Variants in SYNRG observed in about 807,000 individuals in gnomAD.
The protein encoded by SYNRG is synergin gamma.
Under a neutral mutation model 130.9 loss-of-function variants are expected in SYNRG, and 37 were observed. The observed-to-expected ratio is 0.28, with a 90% CI of 0.22 to 0.37. The LOEUF is 0.37. SYNRG is among the 10% of genes least tolerant of loss of function. SYNRG has a pLI of 1.00. For synonymous variants in SYNRG, 539 were observed against 568.1 expected (o/e 0.95, Z 0.73); for missense variants, 1,338 against 1,588.9 (o/e 0.84, Z 2.68).
At chr17:37,577,294 T>C (rs1197117330) in intron 7 of SYNRG, 86 bp downstream of exon 7, 5 of 1,248,044 alleles carry the variant, frequency 4.0e-6, no homozygotes, top group Non-Finnish European at 5.7e-6. Context: ...TCAAGCAGCA[T>C]TCATTTGAAG....
chr17:37,602,904 A>G lies in SYNRG; in HGVS notation c.78-2501T>C, dbSNP rs141884491. Reference sequence around the variant, plus strand: ...CCAGGCGTGGTGGCATGTGCCTGTAATCCCAGCTATCCAGTAGGCTGAGAC... The same window carrying G: ...CCAGGCGTGGTGGCATGTGCCTGTAGTCCCAGCTATCCAGTAGGCTGAGAC... On this transcript the variant is annotated intron_variant, in intron 1 of 21. Coordinates refer to ENST00000612223, the MANE Select transcript of SYNRG (RefSeq NM_007247.6). Among the ~76,000 whole-genome samples the G allele has an allele frequency of 9.0e-3, 1,375 of 152,116 alleles. 4 individuals are homozygous for G. The highest frequency in any genetic ancestry group is 0.023 in the South Asian group (111 of 4,814).
intron 6 of SYNRG, among the ~76,000 whole-genome samples, chr17:37,582,942 G>C (rs2061441347): frequency 6.6e-6 from 1 of 151,814 alleles, no homozygotes; most frequent in East Asian, 1.9e-4. Flanking sequence ...AGGTGCCTTT[G>C]GTGGTAGAAT....
At chr17:37,552,167 T>A (rs755211557) in intron 14 of SYNRG, among the ~76,000 whole-genome samples, 4 of 152,202 alleles carry the variant, frequency 2.6e-5, no homozygotes, top group Admixed American at 1.3e-4. Flanking sequence ...TCCCCCCTAG[T>A]TAGACAAAAC....
At position 37,589,703 on chromosome 17, in the gene SYNRG, C is replaced by T. The variant is rs576211303; in HGVS notation, c.241-3154G>A. Among the ~76,000 whole-genome samples the T allele has an allele frequency of 2.8e-4, 43 of 151,122 alleles. No individual in the cohort carries two copies. In the South Asian group the frequency reaches 6.7e-3, roughly 23 times the overall value. On this transcript the variant is annotated intron_variant, in intron 3 of 21. Coordinates refer to ENST00000612223, the MANE Select transcript of SYNRG (RefSeq NM_007247.6). Reference sequence around the variant, plus strand: ...GGCAGAGCATGCAGTGAGCCAAGATCGCGTCACCACACTCCAGCCTGGGCG... The same window carrying T: ...GGCAGAGCATGCAGTGAGCCAAGATTGCGTCACCACACTCCAGCCTGGGCG...
chr17:37,564,915 A>G (rs773035758), intron 11 of SYNRG, among the ~76,000 whole-genome samples: 2 of 152,340 alleles, frequency 1.3e-5, no homozygotes, highest in Non-Finnish European at 2.9e-5. Flanking sequence ...ATGCTAAATA[A>G]ATGTTTGCTG....
At chr17:37,520,842 A>G (rs1211829849) in intron 19 of SYNRG, among the ~76,000 whole-genome samples, 194 bp from the exon 20 acceptor site, 1 of 152,036 alleles carries the variant, frequency 6.6e-6, no homozygotes, top group Non-Finnish European at 1.5e-5. Context: ...CGGCACCAGT[A>G]CAACACGCCC....
chr17:37,540,271 G>A lies in SYNRG; in HGVS notation c.3366+109C>T. ...ACATAGTTTATGTCTGGTGCTTTGT[G>A]TCTTTCTGCCCCTCATTTTCCCCAT... On this transcript the variant is annotated intron_variant, in intron 16 of 21. Coordinates refer to ENST00000612223, the MANE Select transcript of SYNRG (RefSeq NM_007247.6). The A allele has an allele frequency of 3.1e-6, 4 of 1,302,748 alleles. 1 individual carries two copies. In the South Asian group the frequency reaches 4.1e-5, roughly 14 times the overall value. 80.7% of individuals were successfully genotyped at this position (1,302,748 alleles called of 1,614,324 possible).
intron 13 of SYNRG, among the ~76,000 whole-genome samples, chr17:37,558,269 T>C (rs1461818487): frequency 1.3e-5 from 2 of 152,186 alleles, no homozygotes; most frequent in Non-Finnish European, 1.5e-5. Flanking sequence ...ATACAGTTTC[T>C]ACCATACCTA....
intron 10 of SYNRG, among the ~76,000 whole-genome samples, 181 bp downstream of exon 10, chr17:37,570,456 C>T (rs1188439269): frequency 6.6e-6 from 1 of 152,100 alleles, no homozygotes; most frequent in Admixed American, 6.6e-5. Context: ...TTTTGCTAAT[C>T]TGAGAAGTGA....
intron 14 of SYNRG, among the ~76,000 whole-genome samples, chr17:37,547,402 A>G (rs984490917): frequency 2.6e-5 from 4 of 151,000 alleles, no homozygotes; most frequent in African/African-American, 9.8e-5. Flanking sequence ...TCTTTGCATT[A>G]TTTTAGGATT....
chr17:37,561,509 G>A lies in SYNRG; in HGVS notation c.1562C>T (p.Ala521Val). The A allele has an allele frequency of 6.2e-7, 1 of 1,613,806 alleles. No individual in the cohort carries two copies. The highest frequency in any genetic ancestry group is 1.7e-5 in the Admixed American group (1 of 60,018). ...MDKYAVFKGI[A>V]ADKSSENTVP... ...AGTATTTTCAGAGGACTTGTCAGCTGCAATTCCTTTAAACACAGCATATTT... is the reference window on the plus strand; with the variant it reads ...AGTATTTTCAGAGGACTTGTCAGCTACAATTCCTTTAAACACAGCATATTT... Residue 521 changes from alanine to valine, a missense_variant, in exon 12 of 22, where the codon GCA becomes GTA. Coordinates refer to ENST00000612223, the MANE Select transcript of SYNRG (RefSeq NM_007247.6).
At chr17:37,588,676 C>A (rs999438844) in intron 3 of SYNRG, among the ~76,000 whole-genome samples, 1 of 151,602 alleles carries the variant, frequency 6.6e-6, no homozygotes, top group Non-Finnish European at 1.5e-5. Flanking sequence ...GCTGTGTATA[C>A]TTATTTTAAA....
At chr17:37,529,732 C>A (rs2056409786) in intron 19 of SYNRG, 1 of 1,522,950 alleles carries the variant, frequency 6.6e-7, no homozygotes, top group Admixed American at 2.0e-5. Flanking sequence ...CCCCACTTAT[C>A]CTTTCCCCCA....
At chr17:37,522,022 C>T (rs77097915) in intron 19 of SYNRG, among the ~76,000 whole-genome samples, 2,019 of 152,096 alleles carry the variant, frequency 0.013, 48 homozygotes, top group African/African-American at 0.044. Flanking sequence ...AGGCCTCCTG[C>T]TTGTGGAGAG....
At chr17:37,525,778 C>A (rs187007078) in intron 19 of SYNRG, among the ~76,000 whole-genome samples, 4 of 152,200 alleles carry the variant, frequency 2.6e-5, no homozygotes, top group Non-Finnish European at 5.9e-5. Context: ...CCAGCCTGGC[C>A]AACATGGTGA....
intron 3 of SYNRG, 98 bp from the exon 4 acceptor site, chr17:37,586,647 T>C: frequency 7.3e-7 from 1 of 1,364,844 alleles, no homozygotes; most frequent in Non-Finnish European, 1.0e-6. Context: ...AATACTCTTA[T>C]TTGTAAAAAA....
chr17:37,527,781 A>T (rs1300837861), intron 19 of SYNRG, among the ~76,000 whole-genome samples: 2 of 152,180 alleles, frequency 1.3e-5, no homozygotes, highest in African/African-American at 4.8e-5. Context: ...AGATTTTTAT[A>T]TCCAGAAATG....
intron 6 of SYNRG, among the ~76,000 whole-genome samples, chr17:37,581,815 A>G (rs1354543675): frequency 1.4e-5 from 2 of 139,720 alleles, no homozygotes; most frequent in East Asian, 2.1e-4. Context: ...CCCAGGCTGG[A>G]GTACAATGGC....
chr17:37,580,597 C>T (rs1318606348), intron 6 of SYNRG, among the ~76,000 whole-genome samples: 1 of 151,832 alleles, frequency 6.6e-6, no homozygotes, highest in Non-Finnish European at 1.5e-5. Flanking sequence ...TGCAGTGGCG[C>T]GATCTCGGCT....
Sources: allele counts gnomAD v4.1 joint callset (sites outside exome capture counted in the v4.1 genomes callset), GRCh38; gene constraint gnomAD v4.1.1; transcripts MANE v1.5; gene names NCBI Gene and HGNC (gene_info 2026-07-23, HGNC 2026-07-21).